The following ITGA1 variants were observed in gnomAD, a reference collection of about 807,000 sequenced individuals.
ITGA1 encodes the protein integrin alpha-1.
In ITGA1, 85 loss-of-function variants were observed where a neutral mutation model predicts 145.9. The observed-to-expected ratio is 0.58, with a 90% CI of 0.49 to 0.70. The LOEUF (loss-of-function observed/expected upper bound fraction) is 0.70. Ranked by LOEUF, ITGA1 falls within the 30% of genes least tolerant of loss-of-function variation. The pLI, the probability that ITGA1 is intolerant of heterozygous loss-of-function variation, is 0.00. For synonymous variants in ITGA1, 520 were observed against 495.3 expected (o/e 1.05, Z -0.66); for missense variants, 1,351 against 1,418.7 (o/e 0.95, Z 0.77).
At chr5:52,938,689 AG>A (rs1751008162) in intron 24 of ITGA1, among the ~76,000 whole-genome samples, 2 of 152,222 alleles carry the variant, frequency 1.3e-5, no homozygotes, top group Admixed American at 6.5e-5. Flanking sequence ...GGTTAAGTCT[AG>A]AACCAGCTAT....
intron 8 of ITGA1, 35 bp downstream of exon 8, chr5:52,888,000 A>G (rs1327105225): frequency 6.3e-7 from 1 of 1,596,656 alleles, no homozygotes; most frequent in Non-Finnish European, 8.6e-7. Flanking sequence ...TCAAACTCTT[A>G]GGTGTAGAGA....
intron 13 of ITGA1, 87 bp from the exon 14 acceptor site, chr5:52,910,075 A>G: frequency 7.9e-7 from 1 of 1,271,792 alleles, no homozygotes. Context: ...ATGGCTGTTA[A>G]TAGCACTGAT....
chr5:52,931,472 A>C (rs994961468), intron 21 of ITGA1: 1 of 152,242 alleles, frequency 6.6e-6, no homozygotes, highest in Admixed American at 6.5e-5. Context: ...ATGTGTTTAC[A>C]TAATATATAA....
At chr5:52,890,144 C>T (rs1162945387) in intron 8 of ITGA1, among the ~76,000 whole-genome samples, 1 of 152,180 alleles carries the variant, frequency 6.6e-6, no homozygotes, top group Non-Finnish European at 1.5e-5. Context: ...GTAACTACAT[C>T]TGAGCACATT....
chr5:52,848,523 T>C (rs566746361), intron 1 of ITGA1, among the ~76,000 whole-genome samples: 258 of 152,336 alleles, frequency 1.7e-3, no homozygotes, highest in Non-Finnish European at 3.1e-3. Flanking sequence ...TTTTTTTGAA[T>C]GTTAATATTT....
At chr5:52,804,993 T>C (rs1221560918) in intron 1 of ITGA1, among the ~76,000 whole-genome samples, 1 of 152,144 alleles carries the variant, frequency 6.6e-6, no homozygotes, top group Non-Finnish European at 1.5e-5. Flanking sequence ...TAGTGCCTTT[T>C]TTGAACCAAT....
At chr5:52,850,237 T>C (rs1327391234) in intron 2 of ITGA1, among the ~76,000 whole-genome samples, 3 of 152,054 alleles carry the variant, frequency 2.0e-5, no homozygotes, top group Non-Finnish European at 4.4e-5. Context: ...TTTGACCTCG[T>C]GATCCACCCA....
At chr5:52,897,072 G>A (rs916731316) in intron 9 of ITGA1, among the ~76,000 whole-genome samples, 1 of 152,040 alleles carries the variant, frequency 6.6e-6, no homozygotes, top group African/African-American at 2.4e-5. Flanking sequence ...TAGCCTAAGG[G>A]CTCAGCAGGG....
At chr5:52,790,058 T>G (rs1269480059) in intron 1 of ITGA1, among the ~76,000 whole-genome samples, 1 of 152,240 alleles carries the variant, frequency 6.6e-6, no homozygotes. Context: ...CATTATATTC[T>G]GTAGGCTCTT....
chr5:52,861,820 T>C (rs533966234), intron 3 of ITGA1, among the ~76,000 whole-genome samples: 25 of 146,738 alleles, frequency 1.7e-4, no homozygotes, highest in African/African-American at 6.3e-4. Flanking sequence ...CAGTGAATGG[T>C]AATTGCGCCA....
chr5:52,794,387 C>A (rs1355355733), intron 1 of ITGA1, among the ~76,000 whole-genome samples: 3 of 151,650 alleles, frequency 2.0e-5, no homozygotes, highest in African/African-American at 7.3e-5. Flanking sequence ...ATACTAAAGT[C>A]TAGAAATACA....
In ITGA1 at chr5:52,942,392, T is replaced by G. The variant is rs545428840; in HGVS notation, c.3285+2448T>G. 9.8e-5 allele frequency among the ~76,000 whole-genome samples: 15 copies of G among 152,352 alleles called. 2 individuals carry two copies. The South Asian group carries it at 2.1e-3, about 21-fold the overall frequency. ...AGTATGGCCATTTAATGATATTAAA[T>G]GAAAGGTTTTTTCTTTTATTTGTCT... On this transcript the variant is annotated intron_variant, in intron 26 of 28. Transcript: ENST00000282588.
chr5:52,801,678 G>C, intron 1 of ITGA1: 1 of 1,614,150 alleles, frequency 6.2e-7, no homozygotes, highest in Non-Finnish European at 8.5e-7. Context: ...ATGTGAGGCT[G>C]GTGGACAGTG....
chr5:52,811,031 TC>T (rs1209602802), intron 1 of ITGA1, among the ~76,000 whole-genome samples: 7 of 152,224 alleles, frequency 4.6e-5, no homozygotes, highest in Non-Finnish European at 1.0e-4. Flanking sequence ...AGCTTTCACA[TC>T]TGTATGAAAT....
Position 52,910,194 on chromosome 5 carries a change from TA to T in ITGA1, c.1633del (p.Ile545LeufsTer34). ...TTGAATATCAAATGAGCCTGGAACC[TA>T]TTAAGCAGACGTGCTGTTCATCTCG... The part of the protein sequence containing the change: ...RFEYQMSLEP[I>X]KQTCCSSRQH... On this transcript the variant is annotated frameshift_variant, in exon 14 of 29. Coordinates refer to ENST00000282588, the MANE Select transcript of ITGA1 (RefSeq NM_181501.2). LOFTEE classifies it high-confidence loss of function. 2 of 1,613,218 alleles carry T rather than the reference TA, an allele frequency of 1.2e-6. No individual in the cohort carries two copies. Among genetic ancestry groups the T allele is most frequent in the Non-Finnish European group, 1.7e-6 (2 of 1,179,224 alleles).
intron 14 of ITGA1, among the ~76,000 whole-genome samples, chr5:52,912,177 A>G (rs920942195): frequency 7.0e-6 from 1 of 143,598 alleles, no homozygotes; most frequent in South Asian, 2.2e-4. Context: ...TATCTAGTAT[A>G]TAGATACGCT....
intron 1 of ITGA1, among the ~76,000 whole-genome samples, chr5:52,814,294 G>A (rs1232100491): frequency 6.6e-6 from 1 of 152,110 alleles, no homozygotes; most frequent in African/African-American, 2.4e-5. Flanking sequence ...CCACAGGCAT[G>A]CAACCCCTCA....
At chr5:52,882,224 G>A (rs2447859) in intron 7 of ITGA1, among the ~76,000 whole-genome samples, 29,381 of 151,922 alleles carry the variant, frequency 0.19, 2,967 homozygotes, top group South Asian at 0.28. Context: ...TCCTTCTCTT[G>A]TTACAAGGGT....
At chr5:52,946,943 G>T (rs182648131) in intron 27 of ITGA1, among the ~76,000 whole-genome samples, 25 of 152,234 alleles carry the variant, frequency 1.6e-4, no homozygotes, top group African/African-American at 6.0e-4. Context: ...GACTTTCTCA[G>T]GTTCTTATGA....
Sources: allele counts gnomAD v4.1 joint callset (sites outside exome capture counted in the v4.1 genomes callset), GRCh38; gene constraint gnomAD v4.1.1; transcripts MANE v1.5; gene names NCBI Gene and HGNC (gene_info 2026-07-23, HGNC 2026-07-21).